The following USP6NL variants were observed in gnomAD, a reference collection of about 807,000 sequenced individuals.
The protein encoded by USP6NL is USP6 N-terminal like, also known as USP6 N-terminal-like protein.
Under a neutral mutation model 61.9 loss-of-function variants are expected in USP6NL, and 26 were observed. That is an observed-to-expected ratio of 0.42 (90% CI 0.31 to 0.58). USP6NL has a LOEUF of 0.58. Ranked by LOEUF, USP6NL falls within the 20% of genes least tolerant of loss-of-function variation. The pLI, the probability that USP6NL is intolerant of heterozygous loss-of-function variation, is 0.16. For missense variants in USP6NL, 1,114 were observed against 1,034.3 expected (o/e 1.08, Z -1.06); for synonymous variants, 432 against 390.1 (o/e 1.11, Z -1.27).
intron 4 of USP6NL, among the ~76,000 whole-genome samples, chr10:11,524,658 A>T (rs1019576094): frequency 3.3e-5 from 5 of 152,238 alleles, no homozygotes; most frequent in Non-Finnish European, 4.4e-5. Flanking sequence ...ATTATAAAAT[A>T]AAAAGTCCTG....
At chr10:11,472,787 A>G (rs1832811375) in intron 14 of USP6NL, among the ~76,000 whole-genome samples, 1 of 152,236 alleles carries the variant, frequency 6.6e-6, no homozygotes, top group Admixed American at 6.5e-5. Context: ...TTAAAGTTCA[A>G]AAAATTTTTA....
rs547877024 is a variant in USP6NL, at chr10:11,516,708, G to A, written c.195+1827C>T. 2.0e-5 allele frequency among the ~76,000 whole-genome samples: 3 copies of A among 152,196 alleles called. No homozygotes were observed. The South Asian group carries it at 6.2e-4, about 32-fold the overall frequency. On this transcript the variant is annotated intron_variant, in intron 5 of 14. Transcript: ENST00000609104. ...CAAATAAAAGACAAGTGAATATAAA[G>A]TTATATCTTATTTTAAAATAAATTA... is the stretch of plus-strand genomic sequence containing the variant.
At chr10:11,573,314 A>G (rs1050169103) in intron 2 of USP6NL, 1 of 233,186 alleles carries the variant, frequency 4.3e-6, no homozygotes, top group African/African-American at 2.3e-5. Context: ...AAAATACATA[A>G]TGCAAGAGGA....
intron 2 of USP6NL, chr10:11,564,678 T>C (rs890182375): frequency 3.3e-5 from 5 of 152,166 alleles, no homozygotes; most frequent in African/African-American, 1.2e-4. Context: ...CTCTAAAGCA[T>C]TTCCAGGTGG....
chr10:11,603,266 T>C (rs1838605870), intron 1 of USP6NL, among the ~76,000 whole-genome samples: 1 of 152,246 alleles, frequency 6.6e-6, no homozygotes. Flanking sequence ...AGGTTTATAC[T>C]GGTCAACATG....
chr10:11,536,286 T>TA (rs1324533046), intron 2 of USP6NL, among the ~76,000 whole-genome samples: 2 of 152,164 alleles, frequency 1.3e-5, no homozygotes, highest in Non-Finnish European at 2.9e-5. Context: ...GGAGATCATC[T>TA]AGAATCCTAA....
chr10:11,465,668 C>A lies in USP6NL; in HGVS notation c.1079-1819G>T, dbSNP rs1160017298. Among the ~76,000 whole-genome samples the A allele has an allele frequency of 1.3e-5, 2 of 152,162 alleles. No individual in the cohort carries two copies. The highest frequency in any genetic ancestry group is 2.4e-5 in the African/African-American group (1 of 41,446). ...CACACCGTGCTGGCAGCGGAAGCAC[C>A]CAAGCTGCTCTCAGTGCTGCCTGGA... On this transcript the variant is annotated intron_variant, in intron 14 of 14. Coordinates refer to ENST00000609104, the MANE Select transcript of USP6NL (RefSeq NM_014688.5). The surrounding 1 kb of genome is among the most constrained non-coding windows in gnomAD (Gnocchi z 4.5).
chr10:11,560,549 A>G (rs1415894180), intron 2 of USP6NL, among the ~76,000 whole-genome samples: 1 of 151,800 alleles, frequency 6.6e-6, no homozygotes, highest in Non-Finnish European at 1.5e-5. Flanking sequence ...TAGTACCGTA[A>G]TAACTTTCTC....
Position 11,598,957 on chromosome 10 carries a change from C to A in USP6NL, c.-83-1240G>T, listed in dbSNP as rs1428739234. ...AATACCCTGACCCCCAACCCACATGCTTTCCTCTTTATCTGTCCACTTAAA... is the reference window on the plus strand; with the variant it reads ...AATACCCTGACCCCCAACCCACATGATTTCCTCTTTATCTGTCCACTTAAA... On this transcript the variant is annotated intron_variant, in intron 1 of 14. Coordinates refer to ENST00000609104, the MANE Select transcript of USP6NL (RefSeq NM_014688.5). The surrounding 1 kb of genome is among the most constrained non-coding windows in gnomAD (Gnocchi z 4.7). 6.6e-6 allele frequency among the ~76,000 whole-genome samples: 1 copy of A among 152,242 alleles called. No homozygotes were observed. The highest frequency in any genetic ancestry group is 6.5e-5 in the Admixed American group (1 of 15,288).
intron 1 of USP6NL, among the ~76,000 whole-genome samples, chr10:11,604,932 A>G (rs1838658244): frequency 6.6e-6 from 1 of 152,198 alleles, no homozygotes; most frequent in Admixed American, 6.5e-5. Flanking sequence ...AACTGAAACC[A>G]AGGAAAGTGA....
chr10:11,462,501 A>G lies in USP6NL; in HGVS notation c.2427T>C (p.Pro809=). 1 of 1,614,036 alleles carries G rather than the reference A, an allele frequency of 6.2e-7. No individual in the cohort carries two copies. The highest frequency in any genetic ancestry group is 1.3e-5 in the African/African-American group (1 of 75,058). Reference sequence around the variant, plus strand: ...CCCGATTCCTGTAGTGGTAGGCTGGAGGCGGGGGCCCTGAATATGGATATC... The same window carrying G: ...CCCGATTCCTGTAGTGGTAGGCTGGGGGCGGGGGCCCTGAATATGGATATC... ...PSGYPYSGPP[P]PAYHYRNRDG... is the part of the protein sequence containing the mutation. The change falls in exon 15 of 15, where the codon CCT becomes CCC. Residue 809 remains proline (P), a synonymous_variant. Coordinates refer to ENST00000609104, the MANE Select transcript of USP6NL (RefSeq NM_014688.5).
At chr10:11,486,992 C>A (rs559158091) in intron 10 of USP6NL, among the ~76,000 whole-genome samples, 2 of 151,792 alleles carry the variant, frequency 1.3e-5, no homozygotes, top group South Asian at 4.2e-4. Context: ...TAAAAATTTC[C>A]AGAGACAGAA....
intron 2 of USP6NL, among the ~76,000 whole-genome samples, chr10:11,570,733 A>C (rs1837324316): frequency 6.6e-6 from 1 of 152,202 alleles, no homozygotes; most frequent in African/African-American, 2.4e-5. Context: ...ACACATCTGA[A>C]GAGATGGTGT....
chr10:11,516,298 G>A (rs553135077), intron 5 of USP6NL, among the ~76,000 whole-genome samples: 8 of 152,302 alleles, frequency 5.3e-5, no homozygotes, highest in Admixed American at 5.2e-4. Flanking sequence ...TAGTGTACAA[G>A]TCTTCCCCAA....
intron 2 of USP6NL, among the ~76,000 whole-genome samples, chr10:11,551,604 TAGAG>T (rs1156586150): frequency 7.2e-5 from 11 of 152,184 alleles, no homozygotes; most frequent in African/African-American, 2.4e-4. Context: ...AAATGAGACT[TAGAG>T]AGATCAATGT....
At position 11,487,571 on chromosome 10, in the gene USP6NL, C is replaced by A. The variant is rs150561528; in HGVS notation, c.664+1531G>T. On this transcript the variant is annotated intron_variant, in intron 10 of 14. Coordinates refer to ENST00000609104, the MANE Select transcript of USP6NL (RefSeq NM_014688.5). This position sits in a 1 kb window ranked among gnomAD's most constrained non-coding sequence, Gnocchi z 4.2. Reference sequence around the variant, plus strand: ...TGTACCTCAAGACAGATCAGCAACACAATCCCACGGGAAAGCAAAATAAAG... The same window carrying A: ...TGTACCTCAAGACAGATCAGCAACAAAATCCCACGGGAAAGCAAAATAAAG... Among the ~76,000 whole-genome samples, 1 of 152,328 alleles carries A rather than the reference C, an allele frequency of 6.6e-6. No homozygotes were observed. The highest frequency in any genetic ancestry group is 1.9e-4 in the East Asian group (1 of 5,190).
At chr10:11,509,712 G>T in intron 5 of USP6NL, 37 bp from the exon 6 acceptor site, 2 of 1,489,120 alleles carry the variant, frequency 1.3e-6, no homozygotes, top group Non-Finnish European at 1.8e-6. Context: ...ATTGTTGTTC[G>T]TTTCTTTACT....
chr10:11,579,229 G>A (rs1046908293), intron 2 of USP6NL, among the ~76,000 whole-genome samples: 1 of 152,200 alleles, frequency 6.6e-6, no homozygotes, highest in East Asian at 1.9e-4. Context: ...TGACAGGGCA[G>A]GTTGCAATAC....
At chr10:11,582,912 T>C (rs943056674) in intron 2 of USP6NL, among the ~76,000 whole-genome samples, 1 of 150,024 alleles carries the variant, frequency 6.7e-6, no homozygotes. Context: ...TCCTGTTCAT[T>C]CATATAAGAT....
Sources: gnomAD v4.1 joint callset for allele counts (sites outside exome capture counted in the v4.1 genomes callset) on GRCh38, gnomAD v4.1.1 for gene constraint, Gnocchi (gnomAD v3.1) non-coding constraint, MANE v1.5 for transcripts, NCBI Gene and HGNC (gene_info 2026-07-23, HGNC 2026-07-21) for gene names.